TINAG: variants seen among roughly 807,000 people sequenced by gnomAD.
The protein encoded by TINAG is tubulointerstitial nephritis antigen.
In TINAG, 83 loss-of-function variants were observed where a neutral mutation model predicts 72.7. That is an observed-to-expected ratio of 1.14 (90% CI 0.96 to 1.37). The LOEUF (loss-of-function observed/expected upper bound fraction) is 1.37, where lower values mean the gene tolerates loss of function less well. TINAG is among the 40% of genes most tolerant of loss of function. The pLI, the probability that TINAG is intolerant of heterozygous loss-of-function variation, is 0.00. For missense variants in TINAG, 685 were observed against 576.6 expected (o/e 1.19, Z -1.93); for synonymous variants, 234 against 189.9 (o/e 1.23, Z -1.91).
At chr6:54,376,247 C>T (rs149982673) in intron 9 of TINAG, among the ~76,000 whole-genome samples, 1 of 152,092 alleles carries the variant, frequency 6.6e-6, no homozygotes, top group East Asian at 1.9e-4. Context: ...AGAATTCTAT[C>T]TATTTATATT....
intron 9 of TINAG, among the ~76,000 whole-genome samples, chr6:54,374,634 T>C (rs568698962): frequency 3.5e-4 from 53 of 152,212 alleles, no homozygotes; most frequent in African/African-American, 1.3e-3. Flanking sequence ...TTCAAATCTT[T>C]GTGTAATGGG....
At chr6:54,363,067 G>A (rs1763289064) in intron 9 of TINAG, among the ~76,000 whole-genome samples, 1 of 151,478 alleles carries the variant, frequency 6.6e-6, no homozygotes. Context: ...TGGGATTTAT[G>A]GGTTGTATAG....
At chr6:54,310,745 C>T (rs1239491903) in intron 1 of TINAG, among the ~76,000 whole-genome samples, 1 of 139,514 alleles carries the variant, frequency 7.2e-6, no homozygotes, top group South Asian at 2.3e-4. Flanking sequence ...TTCTCTCCCT[C>T]TTCTCTTTCT....
chr6:54,389,627 G>A (rs1764191088), intron 10 of TINAG, among the ~76,000 whole-genome samples, 164 bp from the exon 11 acceptor site: 1 of 152,118 alleles, frequency 6.6e-6, no homozygotes, highest in Non-Finnish European at 1.5e-5. Context: ...TATTAGTGTA[G>A]TTGATACATA....
intron 4 of TINAG, among the ~76,000 whole-genome samples, chr6:54,327,963 C>T (rs1483601700): frequency 6.6e-6 from 1 of 152,122 alleles, no homozygotes; most frequent in Non-Finnish European, 1.5e-5. Context: ...GGCAGCAGCT[C>T]CAGTCAGTGG....
In TINAG at chr6:54,308,696, G is replaced by A; in HGVS notation, c.146G>A (p.Arg49Lys). 1 of 1,613,878 alleles carries A rather than the reference G, an allele frequency of 6.2e-7. No homozygotes were observed. The highest frequency in any genetic ancestry group is 2.2e-5 in the East Asian group (1 of 44,868). ...HTVLQGTRFK[R>K]AIFQGQYCRN... is the part of the protein sequence containing the mutation. The stretch of plus-strand genomic sequence containing the variant: ...GTTTTGCAAGGTACTCGATTCAAAA[G>A]AGCCATTTTCCAAGGGCAATACTGT... The change falls in exon 1 of 11, where the codon AGA becomes AAA. Residue 49 changes from arginine (R) to lysine (K), a missense_variant. Arg to Lys is a conservative substitution (Grantham distance 26). Transcript: ENST00000259782.
At chr6:54,344,144 G>A (rs1341560365) in intron 5 of TINAG, among the ~76,000 whole-genome samples, 1 of 152,124 alleles carries the variant, frequency 6.6e-6, no homozygotes, top group Non-Finnish European at 1.5e-5. Context: ...TTTCAACAGT[G>A]TTCAAAGACA....
intron 9 of TINAG, among the ~76,000 whole-genome samples, chr6:54,367,648 T>A (rs1433498850): frequency 1.3e-5 from 2 of 151,822 alleles, no homozygotes; most frequent in African/African-American, 4.8e-5. Context: ...CATCCTCTAC[T>A]GTGAACTCTT....
intron 9 of TINAG, among the ~76,000 whole-genome samples, chr6:54,355,880 G>T (rs948461852): frequency 1.3e-5 from 2 of 151,168 alleles, no homozygotes; most frequent in Non-Finnish European, 3.0e-5. Context: ...AAGGAAAGAA[G>T]GAAAGAAGGA....
chr6:54,352,797 T>C (rs944651888), intron 8 of TINAG, among the ~76,000 whole-genome samples: 2 of 151,678 alleles, frequency 1.3e-5, no homozygotes, highest in Non-Finnish European at 2.9e-5. Context: ...TTATTTAAAA[T>C]TGAGAAAATT....
At position 54,326,880 on chromosome 6, in the gene TINAG, A is replaced by G. The variant is rs774218093; in HGVS notation, c.588A>G (p.Pro196=). The G allele has an allele frequency of 6.2e-7, 1 of 1,613,062 alleles. No individual in the cohort carries two copies. The change falls in exon 4 of 11, where the codon CCA becomes CCG. Residue 196 remains proline (P), a synonymous_variant. Coordinates refer to ENST00000259782, the MANE Select transcript of TINAG (RefSeq NM_014464.4). ...TTAAATTTCGCCTTGGCACTTTGCC[A>G]CCTAGTCCCATGCTCCTGAGCATGA... ...DGFKFRLGTL[P]PSPMLLSMNE... is the part of the protein sequence containing the mutation.
At position 54,343,285 on chromosome 6, in the gene TINAG, TG is replaced by T; in HGVS notation, c.686del (p.Gly229AspfsTer28). The T allele has an allele frequency of 6.3e-7, 1 of 1,588,578 alleles. No homozygotes were observed. The highest frequency in any genetic ancestry group is 1.3e-5 in the African/African-American group (1 of 74,210). On this transcript the variant is annotated frameshift_variant, in exon 5 of 11. Coordinates refer to ENST00000259782, the MANE Select transcript of TINAG (RefSeq NM_014464.4). LOFTEE classifies it high-confidence loss of function. The stretch of plus-strand genomic sequence containing the variant: ...TTTTTGTTGCTTCTTATAAATGGCC[TG>T]GATGGACTCATGGCCCATTGGATCA... ...EFFVASYKWP[G>X]WTHGPLDQKN...
At chr6:54,355,745 G>A (rs1237232338) in intron 9 of TINAG, among the ~76,000 whole-genome samples, 1 of 148,706 alleles carries the variant, frequency 6.7e-6, no homozygotes, top group East Asian at 2.0e-4. Flanking sequence ...GTGTGTGTGT[G>A]TATTTATAAA....
At chr6:54,337,878 A>G (rs1471266725) in intron 4 of TINAG, among the ~76,000 whole-genome samples, 3 of 152,136 alleles carry the variant, frequency 2.0e-5, no homozygotes, top group Admixed American at 1.3e-4. Flanking sequence ...CTGTGTTTGT[A>G]TATGTTTCCT....
chr6:54,315,987 C>A (rs1336056812), intron 1 of TINAG, among the ~76,000 whole-genome samples: 1 of 152,186 alleles, frequency 6.6e-6, no homozygotes, highest in Non-Finnish European at 1.5e-5. Flanking sequence ...GCCACGTATA[C>A]TGACAGTTAC....
intron 4 of TINAG, among the ~76,000 whole-genome samples, chr6:54,340,257 C>T (rs1478163087): frequency 6.6e-6 from 1 of 152,020 alleles, no homozygotes; most frequent in African/African-American, 2.4e-5. Context: ...TTCAACATTA[C>T]AATGAAAAGA....
At position 54,333,764 on chromosome 6, in the gene TINAG, C is replaced by T. The variant is rs1784799455; in HGVS notation, c.624+6848C>T. 3.9e-5 allele frequency among the ~76,000 whole-genome samples: 6 copies of T among 152,170 alleles called. 1 individual carries two copies. In the South Asian group the frequency reaches 1.2e-3, roughly 32 times the overall value. On this transcript the variant is annotated intron_variant, in intron 4 of 10. Coordinates refer to ENST00000259782, the MANE Select transcript of TINAG (RefSeq NM_014464.4). ...CCAGTACTTCAGCAAGTCATTGTTT[C>T]AATTTTTCTTTTTTACCTAAACACA... is the stretch of plus-strand genomic sequence containing the variant.
intron 4 of TINAG, among the ~76,000 whole-genome samples, chr6:54,337,859 C>T (rs1213946969): frequency 6.6e-6 from 1 of 152,108 alleles, no homozygotes; most frequent in Non-Finnish European, 1.5e-5. Flanking sequence ...CCAGATGTTA[C>T]GGTGGAGACT....
At chr6:54,387,189 A>G (rs1344115668) in intron 10 of TINAG, among the ~76,000 whole-genome samples, 2 of 152,192 alleles carry the variant, frequency 1.3e-5, no homozygotes, top group Non-Finnish European at 2.9e-5. Context: ...AGGAAATGCA[A>G]ATTAAGACCA....
Sources: allele counts gnomAD v4.1 joint callset (sites outside exome capture counted in the v4.1 genomes callset), GRCh38; gene constraint gnomAD v4.1.1; transcripts MANE v1.5; gene names NCBI Gene and HGNC (gene_info 2026-07-23, HGNC 2026-07-21).